The following MYH11 variants were observed in gnomAD, a reference collection of about 807,000 sequenced individuals.
MYH11 encodes myosin heavy chain 11.
A neutral mutation model predicts 246.6 loss-of-function variants in MYH11; 80 were observed. The ratio of observed to expected loss-of-function variants is 0.32; its 90% CI spans 0.27 to 0.39. The LOEUF is 0.39. MYH11 is among the 10% of genes least tolerant of loss of function. The pLI is 1.00. For synonymous variants in MYH11, 1,071 were observed against 1,015.5 expected, an observed-to-expected ratio of 1.05 and a Z score of -1.04; for missense variants, 2,158 against 2,546.8, an observed-to-expected ratio of 0.85 and a Z score of 3.29.
intron 10 of MYH11, among the ~76,000 whole-genome samples, chr16:15,760,984 G>A (rs1383669199): frequency 1.3e-5 from 2 of 152,166 alleles, no homozygotes; most frequent in East Asian, 1.9e-4. Context: ...TACCCTCCCA[G>A]CATCTTGCTT....
chr16:15,821,328 C>A (rs1203698028), intron 3 of MYH11, among the ~76,000 whole-genome samples: 3 of 152,106 alleles, frequency 2.0e-5, no homozygotes, highest in Non-Finnish European at 4.4e-5. Context: ...TCATTTCATG[C>A]CATTTAGTTC....
intron 1 of MYH11, among the ~76,000 whole-genome samples, chr16:15,855,106 A>T (rs998774041): frequency 6.6e-6 from 1 of 152,108 alleles, no homozygotes; most frequent in Non-Finnish European, 1.5e-5. Context: ...AATGATAACA[A>T]ATCCATAACA....
At chr16:15,822,119 C>T (rs1446922910) in intron 3 of MYH11, among the ~76,000 whole-genome samples, 1 of 152,196 alleles carries the variant, frequency 6.6e-6, no homozygotes, top group African/African-American at 2.4e-5. Context: ...GCACTTATAC[C>T]TGAGTCCCTC....
chr16:15,727,986 T>G (rs2040847723), intron 27 of MYH11, among the ~76,000 whole-genome samples: 1 of 151,854 alleles, frequency 6.6e-6, no homozygotes. Flanking sequence ...TAAGTAGCTT[T>G]GGGAGGCCAA....
intron 28 of MYH11, chr16:15,725,746 T>G (rs748823178): frequency 1.0e-5 from 4 of 398,608 alleles, no homozygotes; most frequent in Non-Finnish European, 1.8e-5. Context: ...TGTGAAAACT[T>G]TGGCCACGTC....
chr16:15,794,495 G>A (rs1382381681), intron 4 of MYH11, among the ~76,000 whole-genome samples: 1 of 152,242 alleles, frequency 6.6e-6, no homozygotes, highest in East Asian at 1.9e-4. Context: ...CAATGGCTAA[G>A]GCCTCCTTCT....
chr16:15,736,830 G>A (rs1567713871), intron 25 of MYH11, among the ~76,000 whole-genome samples: 1 of 152,180 alleles, frequency 6.6e-6, no homozygotes, highest in Non-Finnish European at 1.5e-5. Flanking sequence ...CAAAGGTATT[G>A]CTTGAAAAGA....
chr16:15,718,045 C>T (rs1465396438), intron 37 of MYH11: 10 of 553,074 alleles, frequency 1.8e-5, no homozygotes, highest in African/African-American at 3.8e-5. Context: ...TCCCAAGGCC[C>T]GGACTCCAGG....
At chr16:15,771,826 C>T (rs2042108977) in intron 8 of MYH11, 114 bp from the exon 9 acceptor site, 3 of 1,394,886 alleles carry the variant, frequency 2.2e-6, no homozygotes, top group Admixed American at 3.8e-5. Context: ...TTTATCAAGG[C>T]TTGAACCGTT....
rs933073144 is a variant in MYH11, at chr16:15,757,959, C to T, written c.1443G>A (p.Glu481=). Reference sequence around the variant, plus strand: ...TGTGGTTGAAGAGCTGCTGCAGCTTCTCGTTGGTGTAGTTGATGCACAGCT... The same window carrying T: ...TGTGGTTGAAGAGCTGCTGCAGCTTTTCGTTGGTGTAGTTGATGCACAGCT... ...FEQLCINYTN[E]KLQQLFNHTM... Residue 481 remains glutamate (E), a synonymous_variant, in exon 13 of 41, where the codon GAG becomes GAA. Transcript: ENST00000300036. 3.7e-6 allele frequency: 6 copies of T among 1,614,216 alleles called. No individual in the cohort carries two copies. Among genetic ancestry groups the T allele is most frequent in the Non-Finnish European group, 5.1e-6 (6 of 1,180,040 alleles).
intron 14 of MYH11, among the ~76,000 whole-genome samples, chr16:15,754,485 A>T (rs1162396645): frequency 4.6e-5 from 7 of 152,182 alleles, no homozygotes; most frequent in Admixed American, 4.6e-4. Context: ...ATCTGAGAGA[A>T]GACTGAAAAT....
At chr16:15,738,531 A>G (rs2041186792) in intron 24 of MYH11, 34 bp downstream of exon 24, 2 of 1,582,246 alleles carry the variant, frequency 1.3e-6, no homozygotes, top group Non-Finnish European at 1.7e-6. Flanking sequence ...ATAATAAAAT[A>G]AAATAAAAAT....
chr16:15,726,317 C>T (rs1309079682), intron 28 of MYH11: 1 of 165,768 alleles, frequency 6.0e-6, no homozygotes, highest in African/African-American at 2.4e-5. Flanking sequence ...GCCTGGCATA[C>T]AGCAGGTGCT....
At chr16:15,719,477 A>G in intron 35 of MYH11, 108 bp downstream of exon 35, 1 of 1,559,678 alleles carries the variant, frequency 6.4e-7, no homozygotes, top group African/African-American at 1.4e-5. Context: ...AGACAGGTGG[A>G]CCCCAGAGGA....
chr16:15,710,304 C>T lies in MYH11; in HGVS notation c.5786+4605G>A, dbSNP rs190003732. Among the ~76,000 whole-genome samples, 719 of 152,116 alleles carry T rather than the reference C, an allele frequency of 4.7e-3. 9 individuals are homozygous for T. The highest frequency in any genetic ancestry group is 0.016 in the African/African-American group (663 of 41,498). On this transcript the variant is annotated intron_variant, in intron 40 of 40. Transcript: ENST00000300036. ...TTGGGAGACCGAGGCAGGTGGATCA[C>T]GAGGTCAGGAGATCGAGACCATCCC... is the stretch of plus-strand genomic sequence containing the variant.
Position 15,724,906 on chromosome 16 carries a change from G to A in MYH11, c.3945C>T (p.Ser1315=). Residue 1315 remains serine (S), a synonymous_variant, in exon 29 of 41, where the codon TCC becomes TCT. Coordinates refer to ENST00000300036, the MANE Select transcript of MYH11 (RefSeq NM_002474.3). ...KLAKDVASLS[S]QLQDTQELLQ... The stretch of plus-strand genomic sequence containing the variant: ...CACTCACCTGGGTGTCCTGGAGCTG[G>A]GAACTGAGGGACGCCACGTCCTTGG... 1.9e-6 allele frequency: 3 copies of A among 1,614,150 alleles called. No homozygotes were observed. The highest frequency in any genetic ancestry group is 2.5e-6 in the Non-Finnish European group (3 of 1,180,032).
In MYH11 at chr16:15,735,609, C is replaced by T. The variant is rs367673430; in HGVS notation, c.3294-31G>A. On this transcript the variant is annotated intron_variant, in intron 25 of 40. Coordinates refer to ENST00000300036, the MANE Select transcript of MYH11 (RefSeq NM_002474.3). ...AGGGAGAGACCCAGCAGAATGAACC[C>T]CCAGGTCCCTTGGTTTCCTCTCTTA... 1.9e-6 allele frequency: 3 copies of T among 1,612,448 alleles called. No homozygotes were observed. In the Admixed American group the frequency reaches 5.0e-5, roughly 27 times the overall value.
intron 23 of MYH11, among the ~76,000 whole-genome samples, chr16:15,739,299 C>T (rs2151246910): frequency 6.6e-6 from 1 of 152,194 alleles, no homozygotes; most frequent in Admixed American, 6.6e-5. Flanking sequence ...TGGGGTTTTA[C>T]CGTGTTGGCC....
Position 15,703,998 on chromosome 16 carries a change from C to G in MYH11, c.5912G>C (p.Ser1971Thr), listed in dbSNP as rs914328780. Reference protein sequence around the residue: ...RDADFNGTKASE With the variant: ...RDADFNGTKATE ...AAAACTGTAGAAAGTTGCTTATTCA[C>G]TGGCCTTGGTTCCATTGAAGTCTGC... is the stretch of plus-strand genomic sequence containing the variant. The change falls in exon 41 of 41, where the codon AGT (serine) becomes ACT (threonine). Residue 1971 changes from serine (S) to threonine (T), a missense_variant. Ser to Thr is a moderately conservative substitution (Grantham distance 58). Transcript: ENST00000300036. 3 of 1,613,956 alleles carry G rather than the reference C, an allele frequency of 1.9e-6. No individual in the cohort carries two copies. Among genetic ancestry groups the G allele is most frequent in the Admixed American group, 1.7e-5 (1 of 59,976 alleles).
Sources: allele counts gnomAD v4.1 joint callset (sites outside exome capture counted in the v4.1 genomes callset), GRCh38; gene constraint gnomAD v4.1.1; transcripts MANE v1.5; gene names NCBI Gene and HGNC (gene_info 2026-07-23, HGNC 2026-07-21).